ACSL5: variants seen among roughly 807,000 people sequenced by gnomAD.
ACSL5 encodes long-chain-fatty-acid--CoA ligase 5.
A neutral mutation model predicts 84.9 loss-of-function variants in ACSL5; 50 were observed. The observed-to-expected ratio is 0.59, with a 90% CI of 0.47 to 0.75. The LOEUF (loss-of-function observed/expected upper bound fraction) is 0.75, where lower values mean the gene tolerates loss of function less well. Among genes scored for constraint, ACSL5 ranks in the 30% least tolerant of loss-of-function variants. ACSL5 has a pLI of 0.00. For synonymous variants in ACSL5, 280 were observed against 300.7 expected (o/e 0.93, Z 0.71); for missense variants, 775 against 830.4 (o/e 0.93, Z 0.82).
chr10:112,378,213 A>G (rs1476319111), intron 1 of ACSL5, among the ~76,000 whole-genome samples: 1 of 141,832 alleles, frequency 7.1e-6, no homozygotes, highest in Non-Finnish European at 1.5e-5. Context: ...AATCAAGACA[A>G]TCTTCTTCTT....
At chr10:112,393,519 G>C (rs917757425) in intron 1 of ACSL5, among the ~76,000 whole-genome samples, 2 of 152,202 alleles carry the variant, frequency 1.3e-5, no homozygotes, top group South Asian at 2.1e-4. Context: ...CATTGTTAAA[G>C]ATGGTTCCAG....
chr10:112,422,408 G>A lies in ACSL5; in HGVS notation c.1560G>A (p.Trp520Ter). 6.2e-7 allele frequency: 1 copy of A among 1,614,198 alleles called. No individual in the cohort carries two copies. The highest frequency in any genetic ancestry group is 8.5e-7 in the Non-Finnish European group (1 of 1,180,020). ...KTQEALDSDG[W>*]LHTGDIGRWL... ...AGGAAGCCCTGGACAGTGATGGCTG[G>A]CTTCACACAGGAGACATTGGTCGCT... The change falls in exon 17 of 21, where the codon TGG (tryptophan) becomes TGA (stop). Residue 520 changes from tryptophan (W) to a stop codon, truncating the protein, a stop_gained. Coordinates refer to ENST00000354655, the MANE Select transcript of ACSL5 (RefSeq NM_203379.2). LOFTEE classifies it high-confidence loss of function.
At chr10:112,406,064 G>GA (rs571782980) in intron 5 of ACSL5, 10 of 149,262 alleles carry the variant, frequency 6.7e-5, no homozygotes, top group South Asian at 2.1e-4. Context: ...AACTTTTATT[G>GA]AAAAAAAAAA....
intron 1 of ACSL5, among the ~76,000 whole-genome samples, chr10:112,378,029 G>A (rs961440480): frequency 6.6e-5 from 10 of 151,924 alleles, no homozygotes; most frequent in African/African-American, 2.4e-4. Flanking sequence ...AATTTTTTGA[G>A]GGCAAAGACA....
chr10:112,392,609 C>T (rs558190846), intron 1 of ACSL5, among the ~76,000 whole-genome samples: 1 of 152,144 alleles, frequency 6.6e-6, no homozygotes, highest in Admixed American at 6.5e-5. Flanking sequence ...GGCATGGTGG[C>T]AGGCACCTGT....
intron 5 of ACSL5, 24 bp downstream of exon 5, chr10:112,404,830 A>C: frequency 6.3e-7 from 1 of 1,582,200 alleles, no homozygotes; most frequent in Admixed American, 1.7e-5. Flanking sequence ...AGTTAACTAA[A>C]GGAAATGAGT....
intron 1 of ACSL5, among the ~76,000 whole-genome samples, chr10:112,379,131 G>A (rs758454071): frequency 2.0e-5 from 3 of 152,216 alleles, no homozygotes; most frequent in Middle Eastern, 6.8e-3. Flanking sequence ...TTGGCCGGGC[G>A]CAGTGGCTCA....
intron 1 of ACSL5, among the ~76,000 whole-genome samples, chr10:112,378,555 T>G (rs1258734181): frequency 6.6e-6 from 1 of 151,912 alleles, no homozygotes; most frequent in Non-Finnish European, 1.5e-5. Context: ...CCTATAGGAT[T>G]TGCCAGCTTC....
intron 12 of ACSL5, among the ~76,000 whole-genome samples, chr10:112,416,544 G>C (rs1018401210): frequency 1.3e-5 from 2 of 150,952 alleles, no homozygotes; most frequent in African/African-American, 4.9e-5. Context: ...AGCCCTAGAA[G>C]TGGTGCCCAT....
chr10:112,375,091 T>G (rs1469728671), intron 1 of ACSL5: 1 of 151,816 alleles, frequency 6.6e-6, no homozygotes, highest in Non-Finnish European at 1.5e-5. Context: ...CCCCTGGCCC[T>G]GAGCCCTTTG....
At chr10:112,410,336 C>T (rs956273836) in intron 7 of ACSL5, 127 bp from the exon 8 acceptor site, 7 of 1,556,322 alleles carry the variant, frequency 4.5e-6, no homozygotes, top group African/African-American at 1.4e-5. Flanking sequence ...TGGTCCTGAT[C>T]CAGGTTGGAA....
At chr10:112,421,876 T>C (rs912657402) in intron 15 of ACSL5, 71 bp from the exon 16 acceptor site, 1 of 1,495,954 alleles carries the variant, frequency 6.7e-7, no homozygotes, top group Admixed American at 1.7e-5. Flanking sequence ...AATTCATAAA[T>C]ATCTTAGAAA....
chr10:112,387,298 C>T (rs1849472579), intron 1 of ACSL5, among the ~76,000 whole-genome samples: 1 of 152,188 alleles, frequency 6.6e-6, no homozygotes, highest in Non-Finnish European at 1.5e-5. Context: ...AGCCCTTCAT[C>T]CCAGGGCTCT....
intron 19 of ACSL5, 69 bp from the exon 20 acceptor site, chr10:112,426,719 G>A (rs1844735074): frequency 1.4e-5 from 20 of 1,401,688 alleles, no homozygotes; most frequent in South Asian, 8.1e-5. Flanking sequence ...GGCACTTTGA[G>A]TTGGTTCATG....
At chr10:112,421,767 T>C (rs1844471174) in intron 15 of ACSL5, 102 bp downstream of exon 15, 4 of 1,370,002 alleles carry the variant, frequency 2.9e-6, no homozygotes, top group Non-Finnish European at 4.1e-6. Context: ...TCTGGACTAA[T>C]GTGGCAAATG....
intron 3 of ACSL5, 84 bp from the exon 4 acceptor site, chr10:112,404,427 T>G (rs1843982250): frequency 1.0e-6 from 1 of 1,002,292 alleles, no homozygotes; most frequent in Non-Finnish European, 1.5e-6. Flanking sequence ...CTTTGTGTCT[T>G]GCCCCTTCTT....
At chr10:112,401,840 C>CTTTCTTTCTTTCTTTT (rs200194853) in intron 3 of ACSL5, among the ~76,000 whole-genome samples, 1 of 50,182 alleles carries the variant, frequency 2.0e-5, no homozygotes. Context: ...TTCTTTCTTT[C>CTTTCTTTCTTTCTTTT]TTCCTTCCTT....
chr10:112,395,179 A>C, intron 2 of ACSL5, 77 bp downstream of exon 2: 3,826 of 1,382,416 alleles, frequency 2.8e-3, no homozygotes, highest in Non-Finnish European at 3.5e-3. Flanking sequence ...GGGATAGCTC[A>C]TGAAGGGGAT....
chr10:112,404,950 A>G lies in ACSL5; in HGVS notation c.432+144A>G, dbSNP rs193108577. ...ATTTTCTAATGCTTATTCTACTTGA[A>G]AGAGTTACCACTCAGAACCTATTTA... On this transcript the variant is annotated intron_variant, in intron 5 of 20. Transcript: ENST00000354655. The G allele has an allele frequency of 1.5e-4, 114 of 749,212 alleles. No homozygotes were observed. In the East Asian group the frequency reaches 1.8e-3, roughly 12 times the overall value. 46.4% of individuals were successfully genotyped at this position (749,212 alleles called of 1,614,324 possible).
Sources: allele counts gnomAD v4.1 joint callset (sites outside exome capture counted in the v4.1 genomes callset), GRCh38; gene constraint gnomAD v4.1.1; transcripts MANE v1.5; gene names NCBI Gene and HGNC (gene_info 2026-07-23, HGNC 2026-07-21).